Variants in UNC13C observed in about 807,000 individuals in gnomAD.
UNC13C encodes unc-13 homolog C.
In UNC13C, 174 loss-of-function variants were observed where a neutral mutation model predicts 245.4. That is an observed-to-expected ratio of 0.71 (90% confidence interval 0.63 to 0.80). The LOEUF (loss-of-function observed/expected upper bound fraction) is 0.80. Ranked by LOEUF, UNC13C falls within the 30% of genes least tolerant of loss-of-function variation. The pLI, the probability that UNC13C is intolerant of heterozygous loss-of-function variation, is 0.00. For synonymous variants in UNC13C, 992 were observed against 895.1 expected (o/e 1.11, Z -1.93); for missense variants, 2,829 against 2,602.9 (o/e 1.09, Z -1.89).
At chr15:53,980,230 C>T (rs1013941734) in intron 1 of UNC13C, among the ~76,000 whole-genome samples, 6 of 151,996 alleles carry the variant, frequency 3.9e-5, no homozygotes, top group East Asian at 1.9e-4. Flanking sequence ...GCACTTAGGC[C>T]GTAAACAAAA....
chr15:54,494,022 T>C (rs536668817), intron 19 of UNC13C, among the ~76,000 whole-genome samples: 101 of 152,136 alleles, frequency 6.6e-4, no homozygotes, highest in Non-Finnish European at 1.3e-3. Context: ...GTTAGAGATA[T>C]TTTCTCTCCT....
intron 18 of UNC13C, among the ~76,000 whole-genome samples, chr15:54,401,937 T>G (rs1195199787): frequency 6.6e-6 from 1 of 152,134 alleles, no homozygotes; most frequent in Non-Finnish European, 1.5e-5. Context: ...AAAATTACTT[T>G]TTAATTATTT....
At chr15:54,103,807 C>T (rs965301409) in intron 2 of UNC13C, among the ~76,000 whole-genome samples, 6 of 152,104 alleles carry the variant, frequency 3.9e-5, no homozygotes. Flanking sequence ...TGCAGTGGCG[C>T]CATCTTGGCT....
At chr15:54,070,382 C>A (rs139251647) in intron 2 of UNC13C, among the ~76,000 whole-genome samples, 8 of 152,228 alleles carry the variant, frequency 5.3e-5, no homozygotes, top group African/African-American at 1.4e-4. Context: ...CCCGTGCCAA[C>A]AGCTGACTAA....
At chr15:54,503,196 C>A (rs1894305892) in intron 22 of UNC13C, among the ~76,000 whole-genome samples, 1 of 151,928 alleles carries the variant, frequency 6.6e-6, no homozygotes, top group African/African-American at 2.4e-5. Flanking sequence ...CAATTGTCAG[C>A]AGGATATAGT....
intron 2 of UNC13C, among the ~76,000 whole-genome samples, chr15:54,098,982 C>T (rs1022042719): frequency 1.3e-5 from 2 of 152,198 alleles, no homozygotes; most frequent in African/African-American, 2.4e-5. Flanking sequence ...GTTAATTCTG[C>T]GGCTTGCAAT....
intron 7 of UNC13C, among the ~76,000 whole-genome samples, chr15:54,244,551 T>G (rs1014347410): frequency 6.6e-6 from 1 of 152,202 alleles, no homozygotes; most frequent in African/African-American, 2.4e-5. Context: ...AATCTATAAA[T>G]TACTTTGGGC....
At chr15:54,352,355 G>T (rs201133800) in intron 17 of UNC13C, among the ~76,000 whole-genome samples, 6,579 of 114,108 alleles carry the variant, frequency 0.058, 155 homozygotes, top group Middle Eastern at 0.083. Flanking sequence ...TATATATATA[G>T]AGAGAGAGAG....
chr15:53,918,960 G>A, the UNC13C span, among the ~76,000 whole-genome samples: 1 of 152,168 alleles, frequency 6.6e-6, no homozygotes, highest in Non-Finnish European at 1.5e-5. Flanking sequence ...AAGTGAATGT[G>A]GGATTTCTTT....
At chr15:54,423,890 C>T (rs1029382895) in intron 19 of UNC13C, among the ~76,000 whole-genome samples, 1 of 151,734 alleles carries the variant, frequency 6.6e-6, no homozygotes, top group Non-Finnish European at 1.5e-5. Context: ...GTGATGAAAA[C>T]TTGCTTAGAT....
intron 2 of UNC13C, among the ~76,000 whole-genome samples, chr15:54,103,431 G>A (rs1900268560): frequency 6.6e-6 from 1 of 152,166 alleles, no homozygotes; most frequent in South Asian, 2.1e-4. Context: ...TAAGACAAAT[G>A]CATAGCTGGT....
In UNC13C at chr15:54,015,395, G is replaced by T. The variant is rs770773077; in HGVS notation, c.2492G>T (p.Gly831Val). 12 of 1,613,632 alleles carry T rather than the reference G, an allele frequency of 7.4e-6. No individual in the cohort carries two copies. The African/African-American group carries it at 1.1e-4, about 14-fold the overall frequency. The change falls in exon 2 of 33, where the codon GGG becomes GTG. Residue 831 changes from glycine to valine, a missense_variant. Physicochemically the swap from Gly to Val is moderately radical, Grantham distance 109 (BLOSUM62 -3). Transcript: ENST00000260323. ...GAGGACAGTGGCTCTTCATTAATGGGGAGATTTCGGACATTATCTCAATCA... is the reference window on the plus strand; with the variant it reads ...GAGGACAGTGGCTCTTCATTAATGGTGAGATTTCGGACATTATCTCAATCA... The part of the protein sequence containing the change: ...GYEDSGSSLM[G>V]RFRTLSQSTA...
At chr15:54,557,867 G>A (rs1441528087) in intron 29 of UNC13C, among the ~76,000 whole-genome samples, 1 of 152,004 alleles carries the variant, frequency 6.6e-6, no homozygotes, top group African/African-American at 2.4e-5. Context: ...TGTTAGATAG[G>A]TCAAGAATGA....
chr15:54,032,826 GA>G (rs1321405991), intron 2 of UNC13C, among the ~76,000 whole-genome samples: 1 of 152,148 alleles, frequency 6.6e-6, no homozygotes, highest in Non-Finnish European at 1.5e-5. Context: ...GAACTAATGG[GA>G]TTTGCAGGAA....
Position 54,369,689 on chromosome 15 carries a change from T to A in UNC13C, c.4714-23359T>A, listed in dbSNP as rs2039445576. On this transcript the variant is annotated intron_variant, in intron 17 of 32. Coordinates refer to ENST00000260323, the MANE Select transcript of UNC13C (RefSeq NM_001080534.3). ...TTTCTATATTTTGGTCATCACAGTG[T>A]CACTGACATTACTTCACCAATGCAT... is the stretch of plus-strand genomic sequence containing the variant. Among the ~76,000 whole-genome samples the A allele has an allele frequency of 2.0e-5, 3 of 152,218 alleles. No individual in the cohort carries two copies. In the South Asian group the frequency reaches 6.2e-4, roughly 32 times the overall value.
chr15:54,539,688 C>A (rs1896157219), intron 26 of UNC13C, among the ~76,000 whole-genome samples: 1 of 152,006 alleles, frequency 6.6e-6, no homozygotes, highest in East Asian at 1.9e-4. Context: ...TTATTATTAG[C>A]AAAACTATTT....
intron 2 of UNC13C, among the ~76,000 whole-genome samples, chr15:54,023,786 G>T (rs1301652091): frequency 6.6e-6 from 1 of 152,184 alleles, no homozygotes; most frequent in East Asian, 1.9e-4. Flanking sequence ...AACTGACGAT[G>T]AAAGATGGCA....
intron 14 of UNC13C, among the ~76,000 whole-genome samples, chr15:54,330,923 C>T (rs2038419506): frequency 6.6e-6 from 1 of 152,006 alleles, no homozygotes; most frequent in Non-Finnish European, 1.5e-5. Flanking sequence ...GAGGTTAACA[C>T]AGAGATGATA....
chr15:54,333,542 G>A (rs1849210), intron 15 of UNC13C, among the ~76,000 whole-genome samples: 120,549 of 151,988 alleles, frequency 0.79, 47,889 homozygotes, highest in East Asian at 0.9. Flanking sequence ...CATTGTTAGT[G>A]TAAATAGAAG....
Sources: allele counts gnomAD v4.1 joint callset (sites outside exome capture counted in the v4.1 genomes callset), GRCh38; gene constraint gnomAD v4.1.1; transcripts MANE v1.5; gene names NCBI Gene and HGNC (gene_info 2026-07-23, HGNC 2026-07-21).